LOC128125817: variants seen among roughly 807,000 people sequenced by gnomAD.
the LOC128125817 span, among the ~76,000 whole-genome samples, chr1:41,606,704 CT>C: frequency 5.3e-4 from 81 of 151,954 alleles, no homozygotes; most frequent in South Asian, 2.1e-4. Flanking sequence ...GAGTGACAAA[CT>C]TTCTGAATCT....
chr1:41,608,920 A>C, the LOC128125817 span, among the ~76,000 whole-genome samples: 1 of 150,136 alleles, frequency 6.7e-6, no homozygotes, highest in Non-Finnish European at 1.5e-5. Context: ...AAAATACCAA[A>C]AAAAAAAAAA....
At chr1:41,613,426 A>G in the LOC128125817 span, among the ~76,000 whole-genome samples, 8 of 152,212 alleles carry the variant, frequency 5.3e-5, no homozygotes, top group Non-Finnish European at 1.2e-4. Flanking sequence ...TTTGGAGAGC[A>G]GGGGCTGTAT....
chr1:41,587,417 C>A, the LOC128125817 span, among the ~76,000 whole-genome samples: 5 of 152,144 alleles, frequency 3.3e-5, no homozygotes, highest in Admixed American at 6.5e-5. Flanking sequence ...ACAGGGTGGC[C>A]ATATAAGATA....
At chr1:41,621,133 G>A in the LOC128125817 span, among the ~76,000 whole-genome samples, 5 of 152,310 alleles carry the variant, frequency 3.3e-5, no homozygotes, top group East Asian at 1.9e-4. Flanking sequence ...GGCATCACCC[G>A]GCTTCCTACA....
chr1:41,603,213 C>T, the LOC128125817 span, among the ~76,000 whole-genome samples: 82 of 152,136 alleles, frequency 5.4e-4, no homozygotes, highest in Middle Eastern at 3.4e-3. Flanking sequence ...ATTACAGGCA[C>T]GCACTGTCAT....
chr1:41,598,054 T>A, the LOC128125817 span, among the ~76,000 whole-genome samples: 1 of 152,248 alleles, frequency 6.6e-6, no homozygotes, highest in Non-Finnish European at 1.5e-5. Context: ...TGGGCATCTA[T>A]GAACTTAACT....
the LOC128125817 span, among the ~76,000 whole-genome samples, chr1:41,593,372 C>T: frequency 5.3e-5 from 8 of 152,050 alleles, no homozygotes; most frequent in East Asian, 5.8e-4. Flanking sequence ...TTTCTTTTTG[C>T]GGGCAGCAGC....
chr1:41,619,652 G>T, the LOC128125817 span, among the ~76,000 whole-genome samples: 1 of 152,160 alleles, frequency 6.6e-6, no homozygotes, highest in East Asian at 1.9e-4. Flanking sequence ...TGGTATGGGT[G>T]TTAGGAGTGG....
chr1:41,620,846 A>G, the LOC128125817 span, among the ~76,000 whole-genome samples: 1 of 152,118 alleles, frequency 6.6e-6, no homozygotes, highest in African/African-American at 2.4e-5. Flanking sequence ...TGGTTCAACA[A>G]TTACTGATCA....
the LOC128125817 span, among the ~76,000 whole-genome samples, chr1:41,593,375 G>A: frequency 6.6e-6 from 1 of 151,944 alleles, no homozygotes; most frequent in African/African-American, 2.4e-5. Flanking sequence ...CTTTTTGCGG[G>A]CAGCAGCACT....
At chr1:41,622,219 A>G in the LOC128125817 span, among the ~76,000 whole-genome samples, 1 of 152,194 alleles carries the variant, frequency 6.6e-6, no homozygotes, top group Admixed American at 6.5e-5. Flanking sequence ...AGACAGATGG[A>G]ACTTGCATAT....
At chr1:41,624,491 TCA>T in the LOC128125817 span, among the ~76,000 whole-genome samples, 1 of 152,206 alleles carries the variant, frequency 6.6e-6, no homozygotes, top group Non-Finnish European at 1.5e-5. Context: ...ATCTTGACCT[TCA>T]CCGTTGAAAT....
the LOC128125817 span, among the ~76,000 whole-genome samples, chr1:41,620,559 C>T: frequency 6.6e-6 from 1 of 152,192 alleles, no homozygotes; most frequent in African/African-American, 2.4e-5. Context: ...GCTTTTCTCT[C>T]TCTGCACTGC....
the LOC128125817 span, among the ~76,000 whole-genome samples, chr1:41,587,445 C>T: frequency 6.6e-6 from 1 of 152,170 alleles, no homozygotes; most frequent in Non-Finnish European, 1.5e-5. Flanking sequence ...AACTGGGACA[C>T]TTGGAGAATG....
the LOC128125817 span, among the ~76,000 whole-genome samples, chr1:41,615,793 G>T: frequency 1.4e-5 from 2 of 144,844 alleles, no homozygotes; most frequent in Non-Finnish European, 3.0e-5. Context: ...GCGATGCAGG[G>T]CTTCCACTGT....
At chr1:41,614,704 G>A in the LOC128125817 span, among the ~76,000 whole-genome samples, 1 of 152,218 alleles carries the variant, frequency 6.6e-6, no homozygotes, top group East Asian at 1.9e-4. Flanking sequence ...CAGAAGGGAT[G>A]GAAGAAGATG....
the LOC128125817 span, among the ~76,000 whole-genome samples, chr1:41,587,093 G>T: frequency 6.6e-6 from 1 of 152,104 alleles, no homozygotes; most frequent in Non-Finnish European, 1.5e-5. Context: ...CTTATAGCCA[G>T]ACAGGATGGA....
At chr1:41,608,104 G>A in the LOC128125817 span, among the ~76,000 whole-genome samples, 1 of 152,258 alleles carries the variant, frequency 6.6e-6, no homozygotes, top group Middle Eastern at 3.4e-3. Context: ...AGATATAAGT[G>A]GAATACTAAC....
chr1:41,610,153 A>G, the LOC128125817 span, among the ~76,000 whole-genome samples: 1 of 152,008 alleles, frequency 6.6e-6, no homozygotes, highest in South Asian at 2.1e-4. Context: ...ATTCCTTAAA[A>G]TCTCTCTCTC....
Sources: allele counts gnomAD v4.1 joint callset (sites outside exome capture counted in the v4.1 genomes callset), GRCh38; gene constraint gnomAD v4.1.1; transcripts MANE v1.5.